The following LCOR variants were observed in gnomAD, a reference collection of about 807,000 sequenced individuals.
The protein encoded by LCOR is ligand-dependent corepressor.
LCOR carries 14 observed loss-of-function variants against 64.4 expected under a neutral mutation model. The observed-to-expected ratio is 0.22, with a 90% CI of 0.14 to 0.34. The LOEUF (loss-of-function observed/expected upper bound fraction) is 0.34. Ranked by LOEUF, LCOR falls within the 10% of genes least tolerant of loss-of-function variation. The pLI, the probability that LCOR is intolerant of heterozygous loss-of-function variation, is 1.00. For missense variants in LCOR, 1,686 were observed against 1,765.3 expected, an observed-to-expected ratio of 0.96 and a Z score of 0.80; for synonymous variants, 643 against 642.5, an observed-to-expected ratio of 1.00 and a Z score of -0.01.
chr10:96,939,410 G>C (rs1052447352), intron 4 of LCOR, among the ~76,000 whole-genome samples: 7 of 152,124 alleles, frequency 4.6e-5, no homozygotes, highest in South Asian at 2.1e-4. Flanking sequence ...TTAGAAGAAA[G>C]CATAGGGTTA....
rs191062058 is a variant in LCOR at position 96,866,374 on chromosome 10, C to T, written c.-330+32895C>T. ...TATTTCTGGATAGTATTTCCTTGTA[C>T]GGCTATACCTCAGTTCGTTTATCCA... On this transcript the variant is annotated intron_variant, in intron 2 of 7. Coordinates refer to ENST00000421806, the MANE Select transcript of LCOR (RefSeq NM_001346516.2). Among the ~76,000 whole-genome samples the T allele has an allele frequency of 2.2e-4, 34 of 152,250 alleles. 1 individual carries two copies. The East Asian group carries it at 5.4e-3, about 24-fold the overall frequency.
At chr10:96,922,905 A>G (rs968967335) in intron 4 of LCOR, among the ~76,000 whole-genome samples, 2 of 152,176 alleles carry the variant, frequency 1.3e-5, no homozygotes, top group South Asian at 2.1e-4. Context: ...TAACTCTTCA[A>G]GTGTGTCTAG....
chr10:96,893,064 T>C (rs1846473289), intron 2 of LCOR, among the ~76,000 whole-genome samples: 1 of 152,220 alleles, frequency 6.6e-6, no homozygotes, highest in Non-Finnish European at 1.5e-5. Flanking sequence ...TCCCTTCTCA[T>C]TTATTTTACT....
Position 96,955,576 on chromosome 10 carries a change from C to T in LCOR, c.332+3380C>T, listed in dbSNP as rs889205142. On this transcript the variant is annotated intron_variant, in intron 7 of 7. Transcript: ENST00000421806. ...TCTTGGGGCTCAGATGCTGAGCAGT[C>T]TACCTCTGGACAGCCATATCCCACA... 2 of 1,614,172 alleles carry T rather than the reference C, an allele frequency of 1.2e-6. No homozygotes were observed. Among genetic ancestry groups the T allele is most frequent in the East Asian group, 2.2e-5 (1 of 44,876 alleles).
At chr10:96,892,860 T>C (rs1276120017) in intron 2 of LCOR, among the ~76,000 whole-genome samples, 1 of 152,212 alleles carries the variant, frequency 6.6e-6, no homozygotes, top group Admixed American at 6.5e-5. Flanking sequence ...TATTGTTGGA[T>C]AATGCTTTTT....
chr10:96,871,069 A>G (rs1846064484), intron 2 of LCOR, among the ~76,000 whole-genome samples: 1 of 152,118 alleles, frequency 6.6e-6, no homozygotes, highest in Admixed American at 6.6e-5. Context: ...GTGTGTGTAT[A>G]TATAAGAGAC....
At chr10:96,895,268 C>G (rs970781719) in intron 2 of LCOR, among the ~76,000 whole-genome samples, 2 of 152,150 alleles carry the variant, frequency 1.3e-5, no homozygotes, top group Non-Finnish European at 2.9e-5. Flanking sequence ...CAGTCTTCTC[C>G]ATCCTAGAAA....
At chr10:96,863,455 C>T (rs998849430) in intron 2 of LCOR, among the ~76,000 whole-genome samples, 3 of 152,234 alleles carry the variant, frequency 2.0e-5, no homozygotes, top group African/African-American at 7.2e-5. Context: ...CTACCCACCT[C>T]GGCCTCCCAA....
intron 2 of LCOR, among the ~76,000 whole-genome samples, chr10:96,877,266 G>A (rs1219790264): frequency 6.6e-6 from 1 of 152,118 alleles, no homozygotes; most frequent in East Asian, 1.9e-4. Context: ...GCTCATGCCT[G>A]TAATTCAAGC....
intron 2 of LCOR, among the ~76,000 whole-genome samples, chr10:96,874,464 T>C (rs1387533899): frequency 1.3e-5 from 2 of 152,202 alleles, no homozygotes; most frequent in Non-Finnish European, 2.9e-5. Flanking sequence ...TTTATCTCCA[T>C]GTCCCAGTAA....
chr10:96,895,344 A>G (rs1462582623), intron 2 of LCOR, among the ~76,000 whole-genome samples: 3 of 152,160 alleles, frequency 2.0e-5, no homozygotes, highest in African/African-American at 4.8e-5. Context: ...CACATTCCAC[A>G]TCGGCACATC....
intron 2 of LCOR, among the ~76,000 whole-genome samples, chr10:96,848,590 G>A (rs1306253301): frequency 4.6e-5 from 7 of 152,224 alleles, no homozygotes; most frequent in South Asian, 4.1e-4. Flanking sequence ...CCTGGGAGGC[G>A]GAGGTTGCAG....
At chr10:96,889,539 C>T (rs12268216) in intron 2 of LCOR, among the ~76,000 whole-genome samples, 21,556 of 152,146 alleles carry the variant, frequency 0.14, 2,106 homozygotes, top group African/African-American at 0.27. Flanking sequence ...CAAGTGATCT[C>T]GAGCGTGTGT....
intron 2 of LCOR, among the ~76,000 whole-genome samples, chr10:96,900,827 C>T (rs548123401): frequency 2.7e-5 from 4 of 150,684 alleles, no homozygotes; most frequent in African/African-American, 9.7e-5. Context: ...ACATTGTCTT[C>T]ATTTTTCCTC....
chr10:96,850,503 T>A (rs996964499), intron 2 of LCOR, among the ~76,000 whole-genome samples: 2 of 152,172 alleles, frequency 1.3e-5, no homozygotes, highest in African/African-American at 2.4e-5. Context: ...TATTTATTTA[T>A]TTTTTTGAGA....
chr10:96,904,980 G>A (rs1401059050), intron 2 of LCOR, among the ~76,000 whole-genome samples: 1 of 152,160 alleles, frequency 6.6e-6, no homozygotes, highest in East Asian at 1.9e-4. Flanking sequence ...TTGCAGATAT[G>A]AGCAAAAGAG....
intron 2 of LCOR, among the ~76,000 whole-genome samples, chr10:96,893,300 G>A (rs572792966): frequency 6.6e-6 from 1 of 152,256 alleles, no homozygotes; most frequent in African/African-American, 2.4e-5. Context: ...GGGAACAAAA[G>A]AGGCATTAAC....
At chr10:96,941,137 C>T (rs1304044822) in intron 4 of LCOR, among the ~76,000 whole-genome samples, 7 of 135,506 alleles carry the variant, frequency 5.2e-5, no homozygotes, top group African/African-American at 8.3e-5. Context: ...TAGGGGCGGC[C>T]GGGCAGAGGC....
chr10:96,832,357 C>A lies in LCOR; in HGVS notation c.-446C>A. 1 of 985,044 alleles carries A rather than the reference C, an allele frequency of 1.0e-6. No individual in the cohort carries two copies. Among genetic ancestry groups the A allele is most frequent in the Non-Finnish European group, 1.2e-6 (1 of 829,690 alleles). 61.0% of individuals were successfully genotyped at this position (985,044 alleles called of 1,614,324 possible). On this transcript the variant is annotated 5_prime_UTR_variant, in exon 1 of 8. Coordinates refer to ENST00000421806, the MANE Select transcript of LCOR (RefSeq NM_001346516.2). ...CTCCGTTGAGAGACGCGGCTTTCGGCAAGAACTGGATTCGTGGCGCCACAA... is the reference window on the plus strand; with the variant it reads ...CTCCGTTGAGAGACGCGGCTTTCGGAAAGAACTGGATTCGTGGCGCCACAA...
Sources: gnomAD v4.1 joint callset for allele counts (sites outside exome capture counted in the v4.1 genomes callset) on GRCh38, gnomAD v4.1.1 for gene constraint, MANE v1.5 for transcripts, NCBI Gene and HGNC (gene_info 2026-07-23, HGNC 2026-07-21) for gene names.